Variants in ENPP6 observed in about 807,000 individuals in gnomAD.
ENPP6 encodes ectonucleotide pyrophosphatase/phosphodiesterase 6.
Under a neutral mutation model 42.0 loss-of-function variants are expected in ENPP6, and 32 were observed. The ratio of observed to expected loss-of-function variants is 0.76; its 90% CI spans 0.58 to 1.02. ENPP6 has a LOEUF of 1.02. Among genes scored for constraint, ENPP6 ranks in the 50% least tolerant of loss-of-function variants. ENPP6 has a pLI of 0.00. For synonymous variants in ENPP6, 213 were observed against 216.0 expected (o/e 0.99, Z 0.12); for missense variants, 552 against 566.8 (o/e 0.97, Z 0.27).
chr4:184,119,315 GTGTGTGTGTGT>G (rs1736376229), intron 3 of ENPP6, among the ~76,000 whole-genome samples: 1 of 312 alleles, frequency 3.2e-3, no homozygotes, highest in Non-Finnish European at 6.4e-3. Context: ...GTTTCTTGGT[GTGTGTGTGTGT>G]GTGTGTGTGT....
intron 1 of ENPP6, among the ~76,000 whole-genome samples, chr4:184,163,966 G>T (rs983666151): frequency 6.6e-6 from 1 of 152,206 alleles, no homozygotes; most frequent in East Asian, 1.9e-4. Flanking sequence ...TCAATGGAGC[G>T]CCGAGTCCAG....
rs62340121 is a variant in ENPP6, at chr4:184,138,633, A to G, written c.422-14361T>C. Among the ~76,000 whole-genome samples the G allele has an allele frequency of 4.4e-3, 674 of 152,340 alleles. 2 individuals carry two copies. Among genetic ancestry groups the G allele is most frequent in the Non-Finnish European group, 6.9e-3 (469 of 68,028 alleles). On this transcript the variant is annotated intron_variant, in intron 2 of 7. Transcript: ENST00000296741. Reference sequence around the variant, plus strand: ...AGTCAGGATGACTTTAGCAATAGGTATGGACGTTGAGGATCTTAGAATTGG... The same window carrying G: ...AGTCAGGATGACTTTAGCAATAGGTGTGGACGTTGAGGATCTTAGAATTGG...
At chr4:184,202,971 C>T (rs994492209) in intron 1 of ENPP6, among the ~76,000 whole-genome samples, 2 of 152,158 alleles carry the variant, frequency 1.3e-5, no homozygotes, top group Non-Finnish European at 1.5e-5. Flanking sequence ...TCACTGGACA[C>T]AATGGCTCAT....
chr4:184,115,017 G>T (rs1365913116), intron 5 of ENPP6, among the ~76,000 whole-genome samples: 3 of 151,754 alleles, frequency 2.0e-5, no homozygotes, highest in Non-Finnish European at 4.4e-5. Flanking sequence ...GATCTTATAG[G>T]GCAGTAGGCT....
At chr4:184,143,812 G>C (rs1736871842) in intron 2 of ENPP6, among the ~76,000 whole-genome samples, 1 of 152,184 alleles carries the variant, frequency 6.6e-6, no homozygotes, top group Non-Finnish European at 1.5e-5. Context: ...CCATGTTCTG[G>C]CTTTTTAAAA....
chr4:184,188,005 A>G (rs952399365), intron 1 of ENPP6, among the ~76,000 whole-genome samples: 1 of 152,210 alleles, frequency 6.6e-6, no homozygotes, highest in African/African-American at 2.4e-5. Context: ...CTTGGAGCAT[A>G]CATTCTTTAA....
At position 184,131,161 on chromosome 4, in the gene ENPP6, CTT is replaced by C. The variant is rs767353056; in HGVS notation, c.422-6891_422-6890del. Reference sequence around the variant, plus strand: ...ACTTACTTTCTTTCTTTCTTTCTTTCTTTCTTTCTTTCTTTCTTTCTTTCTTT... The same window carrying C: ...ACTTACTTTCTTTCTTTCTTTCTTTCTCTTTCTTTCTTTCTTTCTTTCTTT... On this transcript the variant is annotated intron_variant, in intron 2 of 7. Coordinates refer to ENST00000296741, the MANE Select transcript of ENPP6 (RefSeq NM_153343.4). Among the ~76,000 whole-genome samples, 28 of 53,422 alleles carry C rather than the reference CTT, an allele frequency of 5.2e-4. 1 individual carries two copies. Among genetic ancestry groups the C allele is most frequent in the African/African-American group, 2.1e-3 (24 of 11,652 alleles). The allele number at this position is 53,422 out of a possible 152,430, so 35.0% of individuals were successfully genotyped here.
Position 184,116,839 on chromosome 4 carries a change from C to G in ENPP6, c.855+17G>C, listed in dbSNP as rs757465528. The G allele has an allele frequency of 6.2e-7, 1 of 1,612,504 alleles. No individual in the cohort carries two copies. The highest frequency in any genetic ancestry group is 8.5e-7 in the Non-Finnish European group (1 of 1,179,684). ...GGCCCACATGGCCCTCCTCCGCCCC[C>G]CACGGGTCTGTCTTGCCTCAGAGTG... On this transcript the variant is annotated intron_variant, in intron 5 of 7. Transcript: ENST00000296741.
At chr4:184,099,365 T>C (rs1206706780) in intron 6 of ENPP6, among the ~76,000 whole-genome samples, 2 of 152,264 alleles carry the variant, frequency 1.3e-5, no homozygotes, top group Non-Finnish European at 2.9e-5. Flanking sequence ...TTTCTAGCTC[T>C]GGGATCTTGG....
At chr4:184,212,456 G>A (rs1300067971) in intron 1 of ENPP6, among the ~76,000 whole-genome samples, 1 of 150,228 alleles carries the variant, frequency 6.7e-6, no homozygotes, top group Non-Finnish European at 1.5e-5. Context: ...CAGACAAACA[G>A]AGAGCCAAAT....
rs114838520 is a variant in ENPP6 at position 184,124,322 on chromosome 4, C to T, written c.422-50G>A. The T allele has an allele frequency of 3.2e-3, 4,398 of 1,382,206 alleles. 73 individuals are homozygous for T. The South Asian group carries it at 0.034, about 11-fold the overall frequency. 85.6% of individuals were successfully genotyped at this position (1,382,206 alleles called of 1,614,324 possible). ...AGTTACTCTCTTCAATAAGTAATGT[C>T]GAGTTATGAGCCTATTTCAGGAAGC... On this transcript the variant is annotated intron_variant, in intron 2 of 7. Coordinates refer to ENST00000296741, the MANE Select transcript of ENPP6 (RefSeq NM_153343.4).
rs548316784 is a variant in ENPP6 at position 184,179,500 on chromosome 4, T to C, written c.242-25767A>G. The stretch of plus-strand genomic sequence containing the variant: ...GATATTCAGGACTTGAACTCAGCCC[T>C]GGATCGAGTGGACCTGATAGATATC... On this transcript the variant is annotated intron_variant, in intron 1 of 7. Coordinates refer to ENST00000296741, the MANE Select transcript of ENPP6 (RefSeq NM_153343.4). Among the ~76,000 whole-genome samples, 4 of 152,350 alleles carry C rather than the reference T, an allele frequency of 2.6e-5. No homozygotes were observed. In the South Asian group the frequency reaches 6.2e-4, roughly 24 times the overall value.
At chr4:184,160,955 T>A (rs6823506) in intron 1 of ENPP6, among the ~76,000 whole-genome samples, 1 of 152,048 alleles carries the variant, frequency 6.6e-6, no homozygotes, top group Non-Finnish European at 1.5e-5. Flanking sequence ...TTGAGGGCAA[T>A]GCAAAGAACT....
intron 2 of ENPP6, among the ~76,000 whole-genome samples, chr4:184,152,519 C>T (rs1392309732): frequency 6.6e-6 from 1 of 152,172 alleles, no homozygotes; most frequent in African/African-American, 2.4e-5. Context: ...CTTCAACGTT[C>T]TAGGCCTCCC....
chr4:184,150,095 T>G (rs1351832942), intron 2 of ENPP6, among the ~76,000 whole-genome samples: 1 of 152,294 alleles, frequency 6.6e-6, no homozygotes, highest in East Asian at 1.9e-4. Flanking sequence ...TCTGGCTGAT[T>G]TGGGGGGCCT....
Position 184,184,342 on chromosome 4 carries a change from C to T in ENPP6, c.242-30609G>A, listed in dbSNP as rs1732598687. Among the ~76,000 whole-genome samples the T allele has an allele frequency of 6.6e-6, 1 of 151,934 alleles. No individual in the cohort carries two copies. ...AGGAACAAGAGACTTTAAGAAATAACCATGTAGAATTAAGAATCAAATAGA... is the reference window on the plus strand; with the variant it reads ...AGGAACAAGAGACTTTAAGAAATAATCATGTAGAATTAAGAATCAAATAGA... On this transcript the variant is annotated intron_variant, in intron 1 of 7. Transcript: ENST00000296741. The surrounding 1 kb of genome is among the most constrained non-coding windows in gnomAD (Gnocchi z 4.7).
chr4:184,112,783 T>C lies in ENPP6; in HGVS notation c.882A>G (p.Glu294=), dbSNP rs1736225695. ...SEIYNKLSTV[E]HMTVYEKEAI... The stretch of plus-strand genomic sequence containing the variant: ...CTTCTTTCTCGTAGACAGTCATGTG[T>C]TCCACTGTGCTCAGTTTGTTATATA... Residue 294 remains glutamate (E), a synonymous_variant, in exon 6 of 8, where the codon GAA becomes GAG. Coordinates refer to ENST00000296741, the MANE Select transcript of ENPP6 (RefSeq NM_153343.4). 1.2e-6 allele frequency: 2 copies of C among 1,614,000 alleles called. No homozygotes were observed. Among genetic ancestry groups the C allele is most frequent in the Non-Finnish European group, 1.7e-6 (2 of 1,180,028 alleles).
rs542996061 is a variant in ENPP6, at chr4:184,134,502, C to G, written c.422-10230G>C. Among the ~76,000 whole-genome samples the G allele has an allele frequency of 1.1e-4, 16 of 152,112 alleles. No homozygotes were observed. The South Asian group carries it at 2.9e-3, about 28-fold the overall frequency. On this transcript the variant is annotated intron_variant, in intron 2 of 7. Transcript: ENST00000296741. Reference sequence around the variant, plus strand: ...TAGCAATCTGTCTGTTTCATGTGTGCTTTCAAATACATTGGTGTAACATTT... The same window carrying G: ...TAGCAATCTGTCTGTTTCATGTGTGGTTTCAAATACATTGGTGTAACATTT...
At chr4:184,105,501 G>A (rs936930010) in intron 6 of ENPP6, among the ~76,000 whole-genome samples, 1 of 152,168 alleles carries the variant, frequency 6.6e-6, no homozygotes, top group Non-Finnish European at 1.5e-5. Flanking sequence ...GGCTAGACTT[G>A]AATTCAAGTC....
Sources: allele counts gnomAD v4.1 joint callset (sites outside exome capture counted in the v4.1 genomes callset), GRCh38; gene constraint gnomAD v4.1.1; non-coding constraint Gnocchi (gnomAD v3.1); transcripts MANE v1.5; gene names NCBI Gene and HGNC (gene_info 2026-07-23, HGNC 2026-07-21).